The following CPA6 variants were observed in gnomAD, a reference collection of about 807,000 sequenced individuals.
The protein encoded by CPA6 is carboxypeptidase B.
Under a neutral mutation model 63.3 loss-of-function variants are expected in CPA6, and 58 were observed. The observed-to-expected ratio is 0.92, with a 90% confidence interval of 0.74 to 1.14. CPA6 has a LOEUF of 1.14. Ranked by LOEUF, CPA6 falls within the 50% of genes most tolerant of loss-of-function variation. The pLI is 0.00. For synonymous variants in CPA6, 185 were observed against 179.0 expected (o/e 1.03, Z -0.27); for missense variants, 565 against 526.6 (o/e 1.07, Z -0.71).
At chr8:67,563,416 G>C (rs1813261304) in intron 2 of CPA6, among the ~76,000 whole-genome samples, 1 of 152,116 alleles carries the variant, frequency 6.6e-6, no homozygotes, top group Non-Finnish European at 1.5e-5. Context: ...TGAGTGACTG[G>C]CAAATTGTAA....
At chr8:67,613,754 C>G (rs1814869767) in intron 2 of CPA6, among the ~76,000 whole-genome samples, 2 of 152,174 alleles carry the variant, frequency 1.3e-5, no homozygotes, top group Non-Finnish European at 2.9e-5. Flanking sequence ...TAAATGAGAC[C>G]AGGCATTCCT....
chr8:67,693,239 T>C (rs1275409912), intron 1 of CPA6, among the ~76,000 whole-genome samples: 1 of 152,250 alleles, frequency 6.6e-6, no homozygotes, highest in Non-Finnish European at 1.5e-5. Flanking sequence ...AATGCTAGCC[T>C]TCTCAGAGCT....
chr8:67,602,957 G>A (rs557368583), intron 2 of CPA6, among the ~76,000 whole-genome samples: 1 of 152,108 alleles, frequency 6.6e-6, no homozygotes, highest in Non-Finnish European at 1.5e-5. Flanking sequence ...ATAATTCTGT[G>A]CTTTCTCTAT....
intron 1 of CPA6, among the ~76,000 whole-genome samples, chr8:67,672,583 T>C (rs562018631): frequency 1.3e-5 from 2 of 152,100 alleles, no homozygotes; most frequent in Non-Finnish European, 1.5e-5. Flanking sequence ...CACCCTAGGG[T>C]CTTCCAGAAT....
intron 1 of CPA6, among the ~76,000 whole-genome samples, chr8:67,654,540 T>A (rs868518513): frequency 6.6e-6 from 1 of 152,184 alleles, no homozygotes; most frequent in Middle Eastern, 3.2e-3. Context: ...TAGAGGTGTT[T>A]GTAGTATTCT....
chr8:67,722,349 A>G lies in CPA6; in HGVS notation c.116+23665T>C, dbSNP rs1390402926. 3.3e-5 allele frequency among the ~76,000 whole-genome samples: 5 copies of G among 152,210 alleles called. No individual in the cohort carries two copies. The East Asian group carries it at 9.6e-4, about 29-fold the overall frequency. On this transcript the variant is annotated intron_variant, in intron 1 of 10. Transcript: ENST00000297770. ...ATAAATTCCTGGGTCCAATTTCTGG[A>G]TACTCCAATTCAGTACATCTGGGGC... is the stretch of plus-strand genomic sequence containing the variant.
At chr8:67,569,596 G>T in intron 2 of CPA6, 1 of 453,910 alleles carries the variant, frequency 2.2e-6, no homozygotes, top group Non-Finnish European at 4.5e-6. Flanking sequence ...AGCTGAAATT[G>T]ATGAAGAACC....
intron 2 of CPA6, among the ~76,000 whole-genome samples, chr8:67,602,252 T>C (rs1458188205): frequency 6.6e-6 from 1 of 152,184 alleles, no homozygotes; most frequent in Non-Finnish European, 1.5e-5. Flanking sequence ...TACATATTTG[T>C]GTCTATCTGT....
At chr8:67,525,835 C>T (rs945089618) in intron 2 of CPA6, among the ~76,000 whole-genome samples, 4 of 152,042 alleles carry the variant, frequency 2.6e-5, no homozygotes, top group Non-Finnish European at 5.9e-5. Context: ...GTACACAGAA[C>T]ATGAGTGTGA....
At chr8:67,620,431 A>G (rs1815052966) in intron 2 of CPA6, among the ~76,000 whole-genome samples, 1 of 152,168 alleles carries the variant, frequency 6.6e-6, no homozygotes, top group Admixed American at 6.5e-5. Flanking sequence ...TCTTGGGGCT[A>G]TCTTAGAATT....
intron 10 of CPA6, among the ~76,000 whole-genome samples, chr8:67,423,042 C>A (rs1189377484): frequency 6.6e-6 from 1 of 152,142 alleles, no homozygotes; most frequent in Non-Finnish European, 1.5e-5. Flanking sequence ...TCACTCAGTT[C>A]TTCTCCACTT....
In CPA6 at chr8:67,434,274, TG is replaced by T; in HGVS notation, c.839-35del. 3 of 1,555,306 alleles carry T rather than the reference TG, an allele frequency of 1.9e-6. No individual in the cohort carries two copies. The African/African-American group carries it at 4.1e-5, about 21-fold the overall frequency. On this transcript the variant is annotated intron_variant, in intron 8 of 10. Transcript: ENST00000297770. ...CAGAAAAGAAAATGGGGTAAGGAAG[TG>T]GGCAGGGAAGAAACAAGAAACACAA...
intron 1 of CPA6, among the ~76,000 whole-genome samples, chr8:67,647,079 C>A (rs999407485): frequency 1.1e-4 from 16 of 152,120 alleles, no homozygotes; most frequent in Admixed American, 2.6e-4. Context: ...AGACAATTGA[C>A]ACAGCCTAGG....
At chr8:67,518,125 T>G (rs947771904) in intron 2 of CPA6, 78 bp from the exon 3 acceptor site, 7 of 1,367,726 alleles carry the variant, frequency 5.1e-6, no homozygotes, top group Non-Finnish European at 6.8e-6. Flanking sequence ...AAACACATTC[T>G]TTTGTTTGCA....
chr8:67,478,357 TA>T (rs1811287245), intron 8 of CPA6, among the ~76,000 whole-genome samples: 1 of 152,208 alleles, frequency 6.6e-6, no homozygotes, highest in Non-Finnish European at 1.5e-5. Context: ...TAAACATATA[TA>T]AAGTGTTTCT....
rs776133329 is a variant in CPA6 at position 67,483,753 on chromosome 8, TG to T, written c.838+14del. ...GAAACCTTTGGATCTGGATCCCAGTTGGTCCCAAACTTACCACACCACTTCA... is the reference window on the plus strand; with the variant it reads ...GAAACCTTTGGATCTGGATCCCAGTTGTCCCAAACTTACCACACCACTTCA... On this transcript the variant is annotated intron_variant, in intron 8 of 10. Coordinates refer to ENST00000297770, the MANE Select transcript of CPA6 (RefSeq NM_020361.5). The T allele has an allele frequency of 6.2e-7, 1 of 1,610,018 alleles. No homozygotes were observed. The highest frequency in any genetic ancestry group is 8.5e-7 in the Non-Finnish European group (1 of 1,176,266).
intron 2 of CPA6, among the ~76,000 whole-genome samples, chr8:67,540,716 C>G (rs368732334): frequency 3.7e-4 from 56 of 152,366 alleles, no homozygotes; most frequent in Middle Eastern, 3.4e-3. Flanking sequence ...GAGGAGGAAT[C>G]TAGAGAGGCA....
intron 8 of CPA6, among the ~76,000 whole-genome samples, chr8:67,471,204 G>T (rs1170945845): frequency 6.6e-6 from 1 of 152,044 alleles, no homozygotes; most frequent in African/African-American, 2.4e-5. Flanking sequence ...CCTTCTGTGT[G>T]CACTGTCTTT....
chr8:67,646,803 G>T (rs1815723911), intron 1 of CPA6, among the ~76,000 whole-genome samples: 1 of 152,142 alleles, frequency 6.6e-6, no homozygotes, highest in African/African-American at 2.4e-5. Context: ...CAAGCGCAAA[G>T]GCCCTGAGAT....
Sources: allele counts gnomAD v4.1 joint callset (sites outside exome capture counted in the v4.1 genomes callset), GRCh38; gene constraint gnomAD v4.1.1; transcripts MANE v1.5; gene names NCBI Gene and HGNC (gene_info 2026-07-23, HGNC 2026-07-21).